Variants in KCNMB2 observed in about 807,000 individuals in gnomAD.
The protein encoded by KCNMB2 is calcium-activated potassium channel subunit beta-2.
In KCNMB2, 9 loss-of-function variants were observed where a neutral mutation model predicts 24.5. That is an observed-to-expected ratio of 0.37 (90% CI 0.22 to 0.64). KCNMB2 has a LOEUF of 0.64. KCNMB2 is among the 30% of genes least tolerant of loss of function. The pLI, the probability that KCNMB2 is intolerant of heterozygous loss-of-function variation, is 0.63. For synonymous variants in KCNMB2, 109 were observed against 104.4 expected, an observed-to-expected ratio of 1.04 and a Z score of -0.27; for missense variants, 226 against 284.3, an observed-to-expected ratio of 0.79 and a Z score of 1.47.
chr3:178,723,725 A>G (rs922055620), intron 1 of KCNMB2, among the ~76,000 whole-genome samples: 1 of 152,134 alleles, frequency 6.6e-6, no homozygotes, highest in Non-Finnish European at 1.5e-5. Flanking sequence ...CCACTTACAA[A>G]TGAGAATATG....
intron 1 of KCNMB2, among the ~76,000 whole-genome samples, chr3:178,594,376 T>C (rs1337225195): frequency 1.3e-5 from 2 of 152,072 alleles, no homozygotes; most frequent in Non-Finnish European, 2.9e-5. Flanking sequence ...GAAATTAGTG[T>C]GGAAGCAGTG....
intron 1 of KCNMB2, among the ~76,000 whole-genome samples, chr3:178,598,054 A>AAG (rs1435998903): frequency 6.7e-6 from 1 of 149,206 alleles, no homozygotes; most frequent in African/African-American, 2.5e-5. Context: ...AAACAAAACA[A>AAG]AAAAAAAAAC....
At chr3:178,655,734 A>C (rs1334328102) in intron 1 of KCNMB2, among the ~76,000 whole-genome samples, 1 of 152,234 alleles carries the variant, frequency 6.6e-6, no homozygotes, top group African/African-American at 2.4e-5. Flanking sequence ...GGGCAGCACC[A>C]GCAGAGAAGG....
intron 1 of KCNMB2, among the ~76,000 whole-genome samples, chr3:178,609,643 A>G (rs995875861): frequency 3.5e-5 from 5 of 143,266 alleles, no homozygotes; most frequent in African/African-American, 1.3e-4. Flanking sequence ...GTCTATTTCG[A>G]TTTTTTTTTT....
At chr3:178,605,545 A>G (rs1300344177) in intron 1 of KCNMB2, among the ~76,000 whole-genome samples, 1 of 152,218 alleles carries the variant, frequency 6.6e-6, no homozygotes, top group African/African-American at 2.4e-5. Flanking sequence ...AGACCTTTAA[A>G]GGTGATTCTG....
chr3:178,791,167 G>A (rs1448303556), intron 1 of KCNMB2, among the ~76,000 whole-genome samples: 1 of 152,210 alleles, frequency 6.6e-6, no homozygotes, highest in Admixed American at 6.5e-5. Flanking sequence ...ACAGACATAT[G>A]TGACCTTTCA....
chr3:178,826,909 C>T (rs1258692631), intron 3 of KCNMB2, among the ~76,000 whole-genome samples: 3 of 152,148 alleles, frequency 2.0e-5, no homozygotes, highest in Admixed American at 1.3e-4. Flanking sequence ...TTCCAAAATG[C>T]TTTCAGCTCT....
intron 1 of KCNMB2, among the ~76,000 whole-genome samples, chr3:178,649,049 C>G (rs1299328350): frequency 6.6e-6 from 1 of 152,128 alleles, no homozygotes; most frequent in Non-Finnish European, 1.5e-5. Context: ...CCCATTTTTC[C>G]TAGGTTTCCT....
chr3:178,822,593 C>A (rs1433961408), intron 2 of KCNMB2, among the ~76,000 whole-genome samples: 2 of 152,158 alleles, frequency 1.3e-5, no homozygotes, highest in African/African-American at 4.8e-5. Context: ...TCCATTAATT[C>A]TATAATCATT....
chr3:178,547,901 T>C (rs1181295126), intron 1 of KCNMB2, among the ~76,000 whole-genome samples: 2 of 152,256 alleles, frequency 1.3e-5, no homozygotes, highest in Non-Finnish European at 2.9e-5. Flanking sequence ...TCAGACCTAA[T>C]AAATCTATAC....
At chr3:178,830,984 T>G (rs1301384767) in intron 4 of KCNMB2, among the ~76,000 whole-genome samples, 1 of 152,202 alleles carries the variant, frequency 6.6e-6, no homozygotes, top group Non-Finnish European at 1.5e-5. Context: ...TTAAGTCTTA[T>G]GTCCACCCTA....
chr3:178,631,904 G>C (rs1719335408), intron 1 of KCNMB2, among the ~76,000 whole-genome samples: 1 of 152,128 alleles, frequency 6.6e-6, no homozygotes, highest in Admixed American at 6.5e-5. Flanking sequence ...AGCTATTCTA[G>C]CCACAGCTTC....
chr3:178,690,946 T>C (rs1377686756), intron 1 of KCNMB2, among the ~76,000 whole-genome samples: 4 of 151,962 alleles, frequency 2.6e-5, no homozygotes, highest in African/African-American at 9.7e-5. Flanking sequence ...TTATAATCTT[T>C]TATTTTTTTA....
intron 1 of KCNMB2, among the ~76,000 whole-genome samples, chr3:178,616,097 G>T (rs1241004944): frequency 6.6e-6 from 1 of 152,012 alleles, no homozygotes; most frequent in Non-Finnish European, 1.5e-5. Context: ...AGAAAGAAGG[G>T]CTCTCTTTTG....
chr3:178,744,735 G>T (rs1382197595), intron 1 of KCNMB2, among the ~76,000 whole-genome samples: 1 of 151,946 alleles, frequency 6.6e-6, no homozygotes, highest in African/African-American at 2.4e-5. Flanking sequence ...AAAGGATTAG[G>T]CATGGCCAGG....
chr3:178,761,636 G>C (rs919447051), intron 1 of KCNMB2, among the ~76,000 whole-genome samples: 11 of 152,064 alleles, frequency 7.2e-5, no homozygotes, highest in Non-Finnish European at 1.0e-4. Context: ...TCCATAAAGA[G>C]TAGAAAGTGT....
intron 1 of KCNMB2, among the ~76,000 whole-genome samples, chr3:178,672,495 A>G (rs985715374): frequency 6.6e-6 from 1 of 152,226 alleles, no homozygotes. Context: ...CCATGTCCTT[A>G]AAGAGCTTGT....
chr3:178,646,597 G>T (rs926074842), intron 1 of KCNMB2, among the ~76,000 whole-genome samples: 9 of 152,208 alleles, frequency 5.9e-5, no homozygotes, highest in Admixed American at 1.3e-4. Context: ...ACCTGCTATT[G>T]TAAGCGAGGC....
intron 1 of KCNMB2, among the ~76,000 whole-genome samples, chr3:178,718,129 G>C (rs781682477): frequency 1.3e-5 from 2 of 152,206 alleles, no homozygotes; most frequent in East Asian, 1.9e-4. Context: ...AGCAGGCTCT[G>C]ATCTGAGCCC....
Sources: gnomAD v4.1 joint callset for allele counts (sites outside exome capture counted in the v4.1 genomes callset) on GRCh38, gnomAD v4.1.1 for gene constraint, MANE v1.5 for transcripts, NCBI Gene and HGNC (gene_info 2026-07-23, HGNC 2026-07-21) for gene names.